TRRAP: variants seen among roughly 807,000 people sequenced by gnomAD.
TRRAP encodes transformation/transcription domain associated protein, also known as transformation/transcription domain-associated protein.
In TRRAP, 41 loss-of-function variants were observed where a neutral mutation model predicts 438.8. That is an observed-to-expected ratio of 0.09 (90% CI 0.07 to 0.12). TRRAP has a LOEUF of 0.12. Among genes scored for constraint, TRRAP ranks in the 10% least tolerant of loss-of-function variants. The pLI is 1.00. For synonymous variants in TRRAP, 1,994 were observed against 1,962.9 expected (o/e 1.02, Z -0.42); for missense variants, 3,122 against 5,055.1 (o/e 0.62, Z 11.60).
intron 67 of TRRAP, among the ~76,000 whole-genome samples, chr7:99,002,379 A>G (rs1793969903): frequency 6.6e-6 from 1 of 152,264 alleles, no homozygotes; most frequent in Admixed American, 6.5e-5. Flanking sequence ...ACTGGGTTGC[A>G]TAGGATGCTG....
In TRRAP at chr7:98,993,373, C is replaced by T. The variant is rs112252270; in HGVS notation, c.9848-165C>T. Reference sequence around the variant, plus strand: ...CCCGCGTCCCTCAGCGCACCTGCGCCTAGAACCAGGGCCTTCTCCCACGCA... The same window carrying T: ...CCCGCGTCCCTCAGCGCACCTGCGCTTAGAACCAGGGCCTTCTCCCACGCA... On this transcript the variant is annotated intron_variant, in intron 65 of 72. Coordinates refer to ENST00000456197, the MANE Select transcript of TRRAP (RefSeq NM_001375524.1). Among the ~76,000 whole-genome samples, 596 of 152,358 alleles carry T rather than the reference C, an allele frequency of 3.9e-3. 2 individuals are homozygous for T. Among genetic ancestry groups the T allele is most frequent in the African/African-American group, 0.013 (521 of 41,576 alleles).
intron 39 of TRRAP, 53 bp downstream of exon 39, chr7:98,951,057 A>ATGTGTGTGTG (rs1162734325): frequency 1.2e-5 from 8 of 662,148 alleles, no homozygotes; most frequent in Non-Finnish European, 1.8e-5. Context: ...GTGGATGAAC[A>ATGTGTGTGTG]TCTGTGTGTG....
chr7:98,978,865 G>C lies in TRRAP; in HGVS notation c.8595G>C (p.Arg2865=). The C allele has an allele frequency of 6.2e-7, 1 of 1,614,184 alleles. No homozygotes were observed. The highest frequency in any genetic ancestry group is 8.5e-7 in the Non-Finnish European group (1 of 1,180,030). The change falls in exon 58 of 73, where the codon CGG becomes CGC. Residue 2865 remains arginine, a synonymous_variant. Transcript: ENST00000456197. Reference sequence around the variant, plus strand: ...ACCTCGTCCTGGAGTGCGCCTGGCGGGTGTCCAACTGGACTGCCATGAAGG... The same window carrying C: ...ACCTCGTCCTGGAGTGCGCCTGGCGCGTGTCCAACTGGACTGCCATGAAGG... ...NPYLVLECAW[R]VSNWTAMKEA... is the part of the protein sequence containing the mutation.
intron 22 of TRRAP, among the ~76,000 whole-genome samples, chr7:98,925,876 C>A (rs989867631): frequency 3.3e-5 from 5 of 152,068 alleles, no homozygotes; most frequent in African/African-American, 1.2e-4. Context: ...GTCAAGGTAA[C>A]CAAATGCACA....
Position 99,011,786 on chromosome 7 carries a change from TAAAC to T in TRRAP, c.11337+253_11337+256del, listed in dbSNP as rs969360349. Among the ~76,000 whole-genome samples the T allele has an allele frequency of 2.6e-5, 4 of 152,256 alleles. No individual in the cohort carries two copies. The highest frequency in any genetic ancestry group is 5.9e-5 in the Non-Finnish European group (4 of 68,046). ...TGCCGGAAGGTGTCAAGTGAACAAA[TAAAC>T]AGATTGGGCCTCAGTCGCAGCATGG... On this transcript the variant is annotated intron_variant, in intron 72 of 72. Coordinates refer to ENST00000456197, the MANE Select transcript of TRRAP (RefSeq NM_001375524.1). This position sits in a 1 kb window ranked among gnomAD's most constrained non-coding sequence, Gnocchi z 7.1.
Position 98,950,356 on chromosome 7 carries a change from T to C in TRRAP, c.5334+94T>C, listed in dbSNP as rs180730489. 1,550 of 1,426,624 alleles carry C rather than the reference T, an allele frequency of 1.1e-3. 8 individuals are homozygous for C. In the African/African-American group the frequency reaches 0.016, roughly 15 times the overall value. The allele number at this position is 1,426,624 out of a possible 1,614,324, so 88.4% of individuals were successfully genotyped here. On this transcript the variant is annotated intron_variant, in intron 38 of 72. Coordinates refer to ENST00000456197, the MANE Select transcript of TRRAP (RefSeq NM_001375524.1). Reference sequence around the variant, plus strand: ...CTTTTCTTTTTTTGCTGTGTCACTCTTGAATAAATAGTAGAGTGAGCCAGG... The same window carrying C: ...CTTTTCTTTTTTTGCTGTGTCACTCCTGAATAAATAGTAGAGTGAGCCAGG...
chr7:98,949,705 C>G lies in TRRAP; in HGVS notation c.4999C>G (p.Gln1667Glu). Residue 1667 changes from glutamine (Q) to glutamate (E), a missense_variant, in exon 37 of 73, where the codon CAG (glutamine) becomes GAG (glutamate). Around this residue, in one of 24 missense-constraint regions of TRRAP, gnomAD observed 272 missense variants for 348.5 expected, o/e 0.78. Transcript: ENST00000456197. Reference sequence around the variant, plus strand: ...AAACGATGACTCCTGGCTGGCCAGCCAGCACTCTCTGGTGAGCCAGTTGCG... The same window carrying G: ...AAACGATGACTCCTGGCTGGCCAGCGAGCACTCTCTGGTGAGCCAGTTGCG... ...VKNDDSWLAS[Q>E]HSLVSQLRRV... 1.2e-6 allele frequency: 2 copies of G among 1,614,070 alleles called. No homozygotes were observed. Among genetic ancestry groups the G allele is most frequent in the Non-Finnish European group, 1.7e-6 (2 of 1,180,016 alleles).
chr7:98,927,840 G>T (rs974456026), intron 23 of TRRAP, among the ~76,000 whole-genome samples: 1 of 152,078 alleles, frequency 6.6e-6, no homozygotes, highest in Admixed American at 6.5e-5. Context: ...GCCTGGAACG[G>T]CTGCTCACCT....
In TRRAP at chr7:98,956,924, G is replaced by T. The variant is rs112173188; in HGVS notation, c.6231+391G>T. 6.6e-6 allele frequency among the ~76,000 whole-genome samples: 1 copy of T among 151,924 alleles called. No individual in the cohort carries two copies. Among genetic ancestry groups the T allele is most frequent in the Non-Finnish European group, 1.5e-5 (1 of 67,974 alleles). On this transcript the variant is annotated intron_variant, in intron 43 of 72. Coordinates refer to ENST00000456197, the MANE Select transcript of TRRAP (RefSeq NM_001375524.1). The surrounding 1 kb of genome is among the most constrained non-coding windows in gnomAD (Gnocchi z 4.5). ...GGTCCTGGGTATTGCCCCTTGTGGA[G>T]TGGTGGCCCTAGGAGCCCTGAGTCT...
intron 70 of TRRAP, among the ~76,000 whole-genome samples, chr7:99,010,496 T>C (rs988124731): frequency 1.3e-5 from 2 of 152,192 alleles, no homozygotes; most frequent in Non-Finnish European, 2.9e-5. Flanking sequence ...AAAGACCCCG[T>C]AGATGGCCTG....
rs370567545 is a variant in TRRAP at position 99,011,040 on chromosome 7, G to A, written c.10939-12G>A. On this transcript the variant is annotated splice_polypyrimidine_tract_variant and intron_variant, in intron 70 of 72. Coordinates refer to ENST00000456197, the MANE Select transcript of TRRAP (RefSeq NM_001375524.1). The surrounding 1 kb of genome is among the most constrained non-coding windows in gnomAD (Gnocchi z 7.1). The stretch of plus-strand genomic sequence containing the variant: ...GAGTGAGATGGGAGTGTCACGGAGC[G>A]CTGTGTTTCAGGTCCTCCGCGACAT... 7.5e-6 allele frequency: 12 copies of A among 1,608,140 alleles called. No individual in the cohort carries two copies. The highest frequency in any genetic ancestry group is 2.2e-5 in the South Asian group (2 of 90,906).
chr7:98,992,865 A>G (rs1793491206), intron 65 of TRRAP, among the ~76,000 whole-genome samples: 1 of 152,150 alleles, frequency 6.6e-6, no homozygotes, highest in African/African-American at 2.4e-5. Context: ...TGAGGGCTGC[A>G]TGGCACATTT....
chr7:98,976,065 C>A lies in TRRAP; in HGVS notation c.7840-84C>A. 1.3e-6 allele frequency: 2 copies of A among 1,531,578 alleles called. No homozygotes were observed. Among genetic ancestry groups the A allele is most frequent in the Admixed American group, 1.9e-5 (1 of 53,264 alleles). The allele number at this position is 1,531,578 out of a possible 1,614,324, so 94.9% of individuals were successfully genotyped here. ...GGAGGAGCATCGGTAATGTATGAGA[C>A]AGATCATGGGTGTCTTCTGAGCGTG... On this transcript the variant is annotated intron_variant, in intron 53 of 72. Transcript: ENST00000456197. This position sits in a 1 kb window ranked among gnomAD's most constrained non-coding sequence, Gnocchi z 4.6.
intron 6 of TRRAP, among the ~76,000 whole-genome samples, chr7:98,895,533 A>G (rs1419170198): frequency 6.6e-6 from 1 of 152,120 alleles, no homozygotes; most frequent in African/African-American, 2.4e-5. Flanking sequence ...TTTAATTTTC[A>G]ACTCTTTGCT....
At chr7:98,924,898 G>T (rs1789974238) in intron 21 of TRRAP, among the ~76,000 whole-genome samples, 1 of 151,434 alleles carries the variant, frequency 6.6e-6, no homozygotes, top group East Asian at 1.9e-4. Flanking sequence ...CAGCTACTTG[G>T]GAGGCTGAAG....
intron 67 of TRRAP, among the ~76,000 whole-genome samples, chr7:99,000,398 A>G (rs1341855320): frequency 6.6e-6 from 1 of 152,228 alleles, no homozygotes; most frequent in Non-Finnish European, 1.5e-5. Flanking sequence ...ACAGGCCAAG[A>G]TGTAGAACTC....
intron 67 of TRRAP, chr7:98,999,316 G>A (rs959650735): frequency 7.4e-7 from 1 of 1,354,832 alleles, no homozygotes; most frequent in African/African-American, 1.4e-5. Flanking sequence ...TGCTAAGCTT[G>A]ATCAAAGTCC....
At chr7:98,900,223 G>A (rs1450491623) in intron 10 of TRRAP, among the ~76,000 whole-genome samples, 8 of 152,008 alleles carry the variant, frequency 5.3e-5, no homozygotes, top group Non-Finnish European at 1.2e-4. Context: ...CTGTCTTCAT[G>A]CACCCTCCTG....
rs1791205684 is a variant in TRRAP at position 98,948,958 on chromosome 7, TC to T, written c.4788+274del. Among the ~76,000 whole-genome samples the T allele has an allele frequency of 1.3e-5, 2 of 152,178 alleles. No individual in the cohort carries two copies. Among genetic ancestry groups the T allele is most frequent in the South Asian group, 4.1e-4 (2 of 4,824 alleles). On this transcript the variant is annotated intron_variant, in intron 35 of 72. Transcript: ENST00000456197. The surrounding 1 kb of genome is among the most constrained non-coding windows in gnomAD (Gnocchi z 4.9). ...GTATGATTATTATTTAAAAGTATTT[TC>T]TAAGGGCCCACACCTGTAATCCCAG... is the stretch of plus-strand genomic sequence containing the variant.
Sources: gnomAD v4.1 joint callset for allele counts (sites outside exome capture counted in the v4.1 genomes callset) on GRCh38, gnomAD v4.1.1 for gene constraint, gnomAD v4.1.1 regional missense constraint, Gnocchi (gnomAD v3.1) non-coding constraint, MANE v1.5 for transcripts, NCBI Gene and HGNC (gene_info 2026-07-23, HGNC 2026-07-21) for gene names.